MAML2: variants seen among roughly 807,000 people sequenced by gnomAD.
MAML2 encodes mastermind-like protein 2.
MAML2 carries 22 observed loss-of-function variants against 96.1 expected under a neutral mutation model. The observed-to-expected ratio is 0.23, with a 90% CI of 0.16 to 0.33. The LOEUF is 0.33. Ranked by LOEUF, MAML2 falls within the 10% of genes least tolerant of loss-of-function variation. MAML2 has a pLI of 1.00. For missense variants in MAML2, 1,367 were observed against 1,392.4 expected (o/e 0.98, Z 0.29); for synonymous variants, 561 against 521.3 (o/e 1.08, Z -1.04).
intron 1 of MAML2, among the ~76,000 whole-genome samples, chr11:96,188,002 G>A (rs926162389): frequency 6.6e-6 from 1 of 152,142 alleles, no homozygotes; most frequent in African/African-American, 2.4e-5. Flanking sequence ...TTTGGCCTAT[G>A]GTTAAATGGA....
At chr11:96,090,971 C>T (rs143109483) in intron 2 of MAML2, among the ~76,000 whole-genome samples, 20 of 152,332 alleles carry the variant, frequency 1.3e-4, no homozygotes, top group African/African-American at 4.1e-4. Context: ...TCAAATTACA[C>T]GCACAAAGCT....
At chr11:96,177,839 T>C (rs11021461) in intron 1 of MAML2, among the ~76,000 whole-genome samples, 38,125 of 151,790 alleles carry the variant, frequency 0.25, 5,102 homozygotes, top group East Asian at 0.49. Context: ...TTTCTTCATG[T>C]TGGAATTCAC....
At chr11:95,993,821 C>T (rs1857951665) in intron 2 of MAML2, among the ~76,000 whole-genome samples, 1 of 152,190 alleles carries the variant, frequency 6.6e-6, no homozygotes, top group Non-Finnish European at 1.5e-5. Context: ...CAAAATAATT[C>T]TAAGGGCGAC....
chr11:96,238,035 G>A (rs1239062213), intron 1 of MAML2, among the ~76,000 whole-genome samples: 2 of 152,352 alleles, frequency 1.3e-5, no homozygotes, highest in Admixed American at 1.3e-4. Flanking sequence ...TAGTACTTAA[G>A]TGGTTAAAGT....
intron 1 of MAML2, among the ~76,000 whole-genome samples, chr11:96,243,629 C>T (rs115538922): frequency 0.012 from 1,744 of 149,892 alleles, 43 homozygotes; most frequent in African/African-American, 0.042. Flanking sequence ...GCTGAAAGTG[C>T]CTTCTGAACA....
chr11:95,979,471 C>T lies in MAML2; in HGVS notation c.2948G>A (p.Gly983Glu). ...SKQQEALTSA[G>E]VRFPTGTPAA... ...AGGTGTACCTGTGGGGAAGCGGACT[C>T]CTGCAGACGTCAGGGCTTCTTGCTG... The change falls in exon 5 of 5, where the codon GGA (glycine) becomes GAA (glutamate). Residue 983 changes from glycine to glutamate, a missense_variant. Gly to Glu is a moderately conservative substitution (Grantham distance 98). Transcript: ENST00000524717. 6.2e-7 allele frequency: 1 copy of T among 1,613,504 alleles called. No homozygotes were observed. The highest frequency in any genetic ancestry group is 8.5e-7 in the Non-Finnish European group (1 of 1,179,722).
chr11:96,102,212 C>T (rs1244562137), intron 1 of MAML2, among the ~76,000 whole-genome samples: 2 of 152,086 alleles, frequency 1.3e-5, no homozygotes, highest in African/African-American at 4.8e-5. Context: ...GGAGGCGGAG[C>T]TTGCAGTGAG....
At chr11:96,034,457 G>GAGTA (rs1491428050) in intron 2 of MAML2, among the ~76,000 whole-genome samples, 6 of 81,242 alleles carry the variant, frequency 7.4e-5, no homozygotes, top group African/African-American at 1.8e-4. Context: ...GAGAGAGAGA[G>GAGTA]TGTGTGTGTG....
chr11:95,995,621 A>T (rs1857977377), intron 2 of MAML2, among the ~76,000 whole-genome samples: 1 of 152,188 alleles, frequency 6.6e-6, no homozygotes, highest in African/African-American at 2.4e-5. Flanking sequence ...TAAATATTAG[A>T]TGTTTTATAT....
At chr11:96,023,288 G>A (rs2135738652) in intron 2 of MAML2, among the ~76,000 whole-genome samples, 1 of 152,308 alleles carries the variant, frequency 6.6e-6, no homozygotes, top group African/African-American at 2.4e-5. Flanking sequence ...AGACGGCATT[G>A]TTGCCATATG....
chr11:96,205,951 C>T (rs141461179), intron 1 of MAML2, among the ~76,000 whole-genome samples: 1,727 of 152,190 alleles, frequency 0.011, 14 homozygotes, highest in Middle Eastern at 0.044. Flanking sequence ...AATTTTTACA[C>T]GTTTAAGAAG....
At chr11:96,097,550 A>T (rs76032516) in intron 1 of MAML2, among the ~76,000 whole-genome samples, 3 of 152,178 alleles carry the variant, frequency 2.0e-5, no homozygotes, top group East Asian at 1.9e-4. Flanking sequence ...CTTTCACCCA[A>T]GGGCTGACCT....
chr11:96,325,134 T>A (rs1863757043), intron 1 of MAML2, among the ~76,000 whole-genome samples: 1 of 152,154 alleles, frequency 6.6e-6, no homozygotes, highest in African/African-American at 2.4e-5. Context: ...CTTCAAATTA[T>A]GTGTGGGTGT....
intron 1 of MAML2, among the ~76,000 whole-genome samples, chr11:96,184,199 T>G (rs1218369733): frequency 6.6e-6 from 1 of 152,202 alleles, no homozygotes; most frequent in African/African-American, 2.4e-5. Context: ...TCCCAGCACT[T>G]TGGGATGCTG....
At chr11:96,039,963 C>T (rs1208932138) in intron 2 of MAML2, among the ~76,000 whole-genome samples, 1 of 104,578 alleles carries the variant, frequency 9.6e-6, no homozygotes, top group Non-Finnish European at 2.1e-5. Flanking sequence ...GACTCTGTCT[C>T]AAAAAAAAAA....
At chr11:96,187,443 G>T (rs1354352481) in intron 1 of MAML2, among the ~76,000 whole-genome samples, 1 of 152,200 alleles carries the variant, frequency 6.6e-6, no homozygotes, top group East Asian at 1.9e-4. Context: ...AGGAATCACT[G>T]CTGATCCTAT....
chr11:96,202,219 C>T (rs899946897), intron 1 of MAML2, among the ~76,000 whole-genome samples: 6 of 145,242 alleles, frequency 4.1e-5, no homozygotes, highest in Admixed American at 2.1e-4. Context: ...GGGGTGGTGG[C>T]GGGCGCCTGT....
At chr11:96,134,478 G>A (rs1860596692) in intron 1 of MAML2, among the ~76,000 whole-genome samples, 1 of 152,158 alleles carries the variant, frequency 6.6e-6, no homozygotes, top group African/African-American at 2.4e-5. Flanking sequence ...TCAGGATTCT[G>A]GGATTATTTA....
At chr11:96,164,233 C>T (rs1397436114) in intron 1 of MAML2, among the ~76,000 whole-genome samples, 1 of 152,184 alleles carries the variant, frequency 6.6e-6, no homozygotes, top group Middle Eastern at 3.4e-3. Context: ...CATTATATTG[C>T]CTTCTGGTTA....
Sources: allele counts gnomAD v4.1 joint callset (sites outside exome capture counted in the v4.1 genomes callset), GRCh38; gene constraint gnomAD v4.1.1; transcripts MANE v1.5; gene names NCBI Gene and HGNC (gene_info 2026-07-23, HGNC 2026-07-21).